Variants in CENPW observed in about 807,000 individuals in gnomAD.
CENPW encodes the protein cancer-up-regulated gene 2 protein.
A neutral mutation model predicts 11.1 loss-of-function variants in CENPW; 3 were observed. The observed-to-expected ratio is 0.27, with a 90% CI of 0.12 to 0.70. CENPW has a LOEUF of 0.70. Ranked by LOEUF, CENPW falls within the 30% of genes least tolerant of loss-of-function variation. The pLI, the probability that CENPW is intolerant of heterozygous loss-of-function variation, is 0.77. For synonymous variants in CENPW, 38 were observed against 42.0 expected (o/e 0.91, Z 0.37); for missense variants, 100 against 105.6 (o/e 0.95, Z 0.23).
the CENPW span, among the ~76,000 whole-genome samples, chr6:126,425,560 A>G: frequency 6.6e-6 from 1 of 152,132 alleles, no homozygotes; most frequent in Admixed American, 6.6e-5. Flanking sequence ...GAAATTGTCA[A>G]ATAGTATTGT....
chr6:126,455,810 C>T, the CENPW span, among the ~76,000 whole-genome samples: 1 of 151,214 alleles, frequency 6.6e-6, no homozygotes, highest in Non-Finnish European at 1.5e-5. Flanking sequence ...GAATCTATAT[C>T]TAGAAAACCC....
At chr6:126,463,525 A>T in the CENPW span, among the ~76,000 whole-genome samples, 2 of 152,034 alleles carry the variant, frequency 1.3e-5, no homozygotes, top group South Asian at 4.1e-4. Flanking sequence ...TAAAACCAAA[A>T]GCTGATTTCC....
the CENPW span, among the ~76,000 whole-genome samples, chr6:126,429,092 A>C: frequency 2.0e-5 from 3 of 152,056 alleles, no homozygotes; most frequent in Non-Finnish European, 4.4e-5. Context: ...TAGACATTTA[A>C]ATTTTCCCAA....
the CENPW span, among the ~76,000 whole-genome samples, chr6:126,405,855 T>G: frequency 6.6e-6 from 1 of 152,164 alleles, no homozygotes; most frequent in Non-Finnish European, 1.5e-5. Flanking sequence ...TCTTGGAAGT[T>G]TATTGATTTT....
intron 2 of CENPW, among the ~76,000 whole-genome samples, chr6:126,346,764 T>A (rs565698066): frequency 6.6e-6 from 1 of 152,242 alleles, no homozygotes; most frequent in South Asian, 2.1e-4. Flanking sequence ...CCCCCCATGA[T>A]CTAATCACTT....
the CENPW span, among the ~76,000 whole-genome samples, chr6:126,474,538 T>G: frequency 6.6e-6 from 1 of 152,156 alleles, no homozygotes; most frequent in African/African-American, 2.4e-5. Flanking sequence ...AAAGAGTTAT[T>G]AGGGCCAGTG....
chr6:126,344,732 G>T (rs530522771), intron 1 of CENPW, among the ~76,000 whole-genome samples: 1 of 152,040 alleles, frequency 6.6e-6, no homozygotes, highest in Non-Finnish European at 1.5e-5. Flanking sequence ...CCAAACCTCC[G>T]TTTTCTCCAC....
the CENPW span, among the ~76,000 whole-genome samples, chr6:126,479,165 T>C: frequency 6.6e-6 from 1 of 152,048 alleles, no homozygotes; most frequent in African/African-American, 2.4e-5. Flanking sequence ...TTTCATTGCT[T>C]TCCTTTAAAG....
At chr6:126,378,718 A>G in the CENPW span, among the ~76,000 whole-genome samples, 3 of 152,234 alleles carry the variant, frequency 2.0e-5, no homozygotes, top group Non-Finnish European at 2.9e-5. Context: ...AGCTGTGTGC[A>G]TACAATGAGA....
chr6:126,351,188 G>C (rs1010605017), downstream of CENPW, among the ~76,000 whole-genome samples: 8 of 151,412 alleles, frequency 5.3e-5, no homozygotes, highest in African/African-American at 1.9e-4. Context: ...GGAGTAGGAT[G>C]AGGGAAGTTG....
chr6:126,365,319 T>A, the CENPW span, among the ~76,000 whole-genome samples: 1 of 152,312 alleles, frequency 6.6e-6, no homozygotes, highest in East Asian at 1.9e-4. Context: ...TGAAACTGGG[T>A]AATTTATAAG....
the CENPW span, among the ~76,000 whole-genome samples, chr6:126,416,475 G>C: frequency 9.9e-5 from 15 of 152,280 alleles, no homozygotes; most frequent in Middle Eastern, 3.4e-3. Context: ...CAAGACAATG[G>C]GAAAAATGTC....
At chr6:126,467,582 A>C in the CENPW span, among the ~76,000 whole-genome samples, 2 of 152,160 alleles carry the variant, frequency 1.3e-5, no homozygotes, top group Non-Finnish European at 2.9e-5. Flanking sequence ...ATTGGATTAT[A>C]ATGTAAATGT....
the CENPW span, among the ~76,000 whole-genome samples, chr6:126,426,047 C>T: frequency 2.6e-5 from 4 of 152,128 alleles, no homozygotes; most frequent in South Asian, 2.1e-4. Flanking sequence ...CATCCTTAGT[C>T]ACTCCCTGAC....
chr6:126,417,105 C>G, the CENPW span, among the ~76,000 whole-genome samples: 1 of 152,194 alleles, frequency 6.6e-6, no homozygotes. Flanking sequence ...GAGCCCACCT[C>G]CTGCATCAGT....
At chr6:126,421,286 G>C in the CENPW span, among the ~76,000 whole-genome samples, 1 of 151,874 alleles carries the variant, frequency 6.6e-6, no homozygotes, top group Non-Finnish European at 1.5e-5. Context: ...CTCATATTAT[G>C]CCATTTTTCT....
At chr6:126,476,278 T>C in the CENPW span, among the ~76,000 whole-genome samples, 3 of 152,052 alleles carry the variant, frequency 2.0e-5, no homozygotes. Context: ...ATGATTTTCC[T>C]ATTTTTACTT....
chr6:126,473,720 ATCTCTCTCTCTCTC>A, the CENPW span, among the ~76,000 whole-genome samples: 1 of 142,586 alleles, frequency 7.0e-6, no homozygotes, highest in East Asian at 2.0e-4. Flanking sequence ...ACGAGAGTGA[ATCTCTCTCTCTCTC>A]TCTCTCTCTC....
At chr6:126,435,067 C>A in the CENPW span, among the ~76,000 whole-genome samples, 1 of 151,958 alleles carries the variant, frequency 6.6e-6, no homozygotes, top group Admixed American at 6.6e-5. Context: ...TTTTTAAAAT[C>A]TTTCATCTTG....
Sources: allele counts gnomAD v4.1 joint callset (sites outside exome capture counted in the v4.1 genomes callset), GRCh38; gene constraint gnomAD v4.1.1; transcripts MANE v1.5; gene names NCBI Gene and HGNC (gene_info 2026-07-23, HGNC 2026-07-21).